The following MTMR4 variants were observed in gnomAD, a reference collection of about 807,000 sequenced individuals.
MTMR4 encodes the protein myotubularin related protein 4, also known as phosphatidylinositol-3,5-bisphosphate 3-phosphatase MTMR4.
Under a neutral mutation model 125.5 loss-of-function variants are expected in MTMR4, and 30 were observed. The observed-to-expected ratio is 0.24, with a 90% CI of 0.18 to 0.32. The LOEUF is 0.32. Ranked by LOEUF, MTMR4 falls within the 10% of genes least tolerant of loss-of-function variation. The pLI, the probability that MTMR4 is intolerant of heterozygous loss-of-function variation, is 1.00. For synonymous variants in MTMR4, 498 were observed against 564.5 expected (o/e 0.88, Z 1.67); for missense variants, 1,039 against 1,511.5 (o/e 0.69, Z 5.18).
chr17:58,507,837 T>C (rs1459108558), intron 7 of MTMR4: 2 of 227,932 alleles, frequency 8.8e-6, no homozygotes, highest in Middle Eastern at 1.6e-3. Flanking sequence ...TTTTATATAA[T>C]AGGCTATAAG....
rs1373842957 is a variant in MTMR4, at chr17:58,496,332, T to C, written c.1854-2A>G. ...TCCATGGATCTGGTTTTAGGTAATC[T>C]GGAAAGACAAATATAACACCTCCAG... is the stretch of plus-strand genomic sequence containing the variant. On this transcript the variant is annotated splice_acceptor_variant, in intron 14 of 17. Coordinates refer to ENST00000682306, the MANE Select transcript of MTMR4 (RefSeq NM_001378067.1). LOFTEE classifies it high-confidence loss of function. 1.3e-6 allele frequency: 2 copies of C among 1,596,662 alleles called. No individual in the cohort carries two copies. Among genetic ancestry groups the C allele is most frequent in the Admixed American group, 3.5e-5 (2 of 56,964 alleles).
chr17:58,509,830 C>T (rs1439248978), intron 4 of MTMR4, among the ~76,000 whole-genome samples: 1 of 152,144 alleles, frequency 6.6e-6, no homozygotes, highest in Non-Finnish European at 1.5e-5. Context: ...GTGAATGCTC[C>T]TTCTGAATGC....
At position 58,499,243 on chromosome 17, in the gene MTMR4, A is replaced by T. The variant is rs76822760; in HGVS notation, c.1854-2913T>A. 6.9e-3 allele frequency among the ~76,000 whole-genome samples: 655 copies of T among 94,462 alleles called. 1 individual carries two copies. Among genetic ancestry groups the T allele is most frequent in the Middle Eastern group, 0.018 (4 of 228 alleles). 62.0% of individuals were successfully genotyped at this position (94,462 alleles called of 152,430 possible). On this transcript the variant is annotated intron_variant, in intron 14 of 17. Coordinates refer to ENST00000682306, the MANE Select transcript of MTMR4 (RefSeq NM_001378067.1). ...CAGCCACAGAACTTCTTTTTTTTTT[A>T]AAAAAAAAAAAACTACCTCTCACCC...
In MTMR4 at chr17:58,504,111, G is replaced by A. The variant is rs984747194; in HGVS notation, c.1637C>T (p.Ala546Val). Residue 546 changes from alanine to valine, a missense_variant, in exon 13 of 18, where the codon GCG (alanine) becomes GTG (valine). Physicochemically the swap from Ala to Val is moderately conservative, Grantham distance 64 (BLOSUM62 0). Transcript: ENST00000682306. The surrounding 1 kb of genome is among the most constrained non-coding windows in gnomAD (Gnocchi z 7.1). ...NIYKRTCSVW[A>V]LLRAGNKNFH... ...GTTTTTATTGCCAGCTCGAAGGAGC[G>A]CCCACACAGAGCAGGTCCGCTTGTA... The A allele has an allele frequency of 1.2e-6, 2 of 1,602,540 alleles. No homozygotes were observed. Among genetic ancestry groups the A allele is most frequent in the Non-Finnish European group, 1.7e-6 (2 of 1,175,640 alleles).
intron 7 of MTMR4, among the ~76,000 whole-genome samples, chr17:58,507,711 C>A (rs1208853409): frequency 1.3e-5 from 2 of 152,186 alleles, no homozygotes; most frequent in East Asian, 1.9e-4. Flanking sequence ...CAGTAAAAAA[C>A]CAGACAACAA....
Position 58,507,145 on chromosome 17 carries a change from G to A in MTMR4, c.882C>T (p.Ser294=), listed in dbSNP as rs1168771230. 33 of 1,613,968 alleles carry A rather than the reference G, an allele frequency of 2.0e-5. No homozygotes were observed. Among genetic ancestry groups the A allele is most frequent in the Middle Eastern group, 1.6e-4 (1 of 6,082 alleles). ...GSLSTGNNDT[S]EACDADFDSS... is the part of the protein sequence containing the mutation. ...TACCAAAGTCAGCATCACACGCCTC[G>A]CTGGTATCATTATTCCCGGTGCTGA... The change falls in exon 8 of 18, where the codon AGC becomes AGT. Residue 294 remains serine (S), a synonymous_variant. Coordinates refer to ENST00000682306, the MANE Select transcript of MTMR4 (RefSeq NM_001378067.1).
chr17:58,492,848 CTCTT>C lies in MTMR4; in HGVS notation c.3353_3356del (p.Lys1118ArgfsTer4). On this transcript the variant is annotated frameshift_variant, in exon 16 of 18. Transcript: ENST00000682306. LOFTEE classifies it high-confidence loss of function. ...CATATGTGCCTAAACATACCTCAGT[CTCTT>C]TCTTATCAACAGGTTCCCAGCTTGC... The C allele has an allele frequency of 6.2e-7, 1 of 1,614,044 alleles. No homozygotes were observed. The highest frequency in any genetic ancestry group is 8.5e-7 in the Non-Finnish European group (1 of 1,179,894).
At position 58,495,230 on chromosome 17, in the gene MTMR4, T is replaced by A. The variant is rs755995348; in HGVS notation, c.2954A>T (p.His985Leu). ...GTTCTTTCCTCCTGGGCCAGTACAA[T>A]GTCCATTGGAATGACTAGAACAGAC... Reference protein sequence around the residue: ...SPVCSSHSNGHCTGPGGKNQM... With the variant: ...SPVCSSHSNGLCTGPGGKNQM... Residue 985 changes from histidine (H) to leucine (L), a missense_variant, in exon 15 of 18, where the codon CAT becomes CTT. Around this residue, in one of 6 missense-constraint regions of MTMR4, gnomAD observed 619 missense variants for 714.5 expected, o/e 0.87. Transcript: ENST00000682306. The A allele has an allele frequency of 1.2e-6, 2 of 1,614,200 alleles. No homozygotes were observed. Among genetic ancestry groups the A allele is most frequent in the Non-Finnish European group, 1.7e-6 (2 of 1,180,024 alleles).
At position 58,495,008 on chromosome 17, in the gene MTMR4, T is replaced by A. The variant is rs1286455011; in HGVS notation, c.3176A>T (p.Glu1059Val). 6.2e-7 allele frequency: 1 copy of A among 1,614,236 alleles called. No homozygotes were observed. Among genetic ancestry groups the A allele is most frequent in the Non-Finnish European group, 8.5e-7 (1 of 1,180,042 alleles). ...ACGGATGTCCAGCCTCATCTGAAGC[T>A]CACGCACCTGTCGACGTAGCTGCTC... ...EVEQLRRQVR[E>V]LQMRLDIRHC... The change falls in exon 15 of 18, where the codon GAG becomes GTG. Residue 1059 changes from glutamate (E) to valine (V), a missense_variant. By Grantham distance (121) the Glu-to-Val change is moderately radical. This residue lies in a region of MTMR4 where 619 missense variants were observed against 714.5 expected (regional missense o/e 0.87). Coordinates refer to ENST00000682306, the MANE Select transcript of MTMR4 (RefSeq NM_001378067.1).
chr17:58,500,310 A>G (rs1975586576), intron 14 of MTMR4, among the ~76,000 whole-genome samples: 1 of 152,120 alleles, frequency 6.6e-6, no homozygotes, highest in Non-Finnish European at 1.5e-5. Context: ...CATTTTTTGT[A>G]GAGGTGGGGT....
In MTMR4 at chr17:58,491,498, A is replaced by G; in HGVS notation, c.*165T>C. Reference sequence around the variant, plus strand: ...TCACCAGTAGAGGACCTCCTGCTAAATTGCAATTCCTCTGCTCCAGTTTCA... The same window carrying G: ...TCACCAGTAGAGGACCTCCTGCTAAGTTGCAATTCCTCTGCTCCAGTTTCA... On this transcript the variant is annotated 3_prime_UTR_variant, in exon 18 of 18. Transcript: ENST00000682306. 4.4e-6 allele frequency: 3 copies of G among 679,032 alleles called. No homozygotes were observed. The highest frequency in any genetic ancestry group is 7.1e-6 in the Non-Finnish European group (3 of 422,796). 42.1% of individuals were successfully genotyped at this position (679,032 alleles called of 1,614,324 possible). A position where few individuals can be genotyped will look rare whatever the true frequency, so the allele number is the denominator to read the frequency against.
intron 15 of MTMR4, among the ~76,000 whole-genome samples, chr17:58,494,277 C>T (rs1433543969): frequency 1.4e-5 from 2 of 144,778 alleles, no homozygotes; most frequent in Non-Finnish European, 3.0e-5. Flanking sequence ...GCTGAGATTG[C>T]ACGACTGCAC....
chr17:58,509,851 T>A (rs1343180616), intron 4 of MTMR4, among the ~76,000 whole-genome samples: 1 of 152,200 alleles, frequency 6.6e-6, no homozygotes, highest in Non-Finnish European at 1.5e-5. Flanking sequence ...CCCACAGACC[T>A]GAGCACATGG....
At chr17:58,510,778 T>C (rs1975906610) in intron 4 of MTMR4, 1 of 152,318 alleles carries the variant, frequency 6.6e-6, no homozygotes, top group Admixed American at 6.5e-5. Context: ...GGTCTCGCTA[T>C]GTTGCCCAGG....
chr17:58,504,554 G>A lies in MTMR4; in HGVS notation c.1342-66C>T. On this transcript the variant is annotated intron_variant, in intron 11 of 17. Coordinates refer to ENST00000682306, the MANE Select transcript of MTMR4 (RefSeq NM_001378067.1). This position sits in a 1 kb window ranked among gnomAD's most constrained non-coding sequence, Gnocchi z 7.1. ...AAATGCTGATGTGCTACTCCCCTGG[G>A]AACTGCCCAAAGCAGGAAGCTGGCA... The A allele has an allele frequency of 6.5e-6, 10 of 1,549,038 alleles. No individual in the cohort carries two copies. The highest frequency in any genetic ancestry group is 2.3e-4 in the Middle Eastern group (1 of 4,380).
intron 4 of MTMR4, 99 bp downstream of exon 4, chr17:58,511,330 G>A (rs1488505134): frequency 1.8e-6 from 2 of 1,084,848 alleles, no homozygotes; most frequent in Non-Finnish European, 2.7e-6. Context: ...GGGAAAGTGA[G>A]GCAGGATCTT....
At position 58,495,193 on chromosome 17, in the gene MTMR4, C is replaced by A; in HGVS notation, c.2991G>T (p.Leu997Phe). The stretch of plus-strand genomic sequence containing the variant: ...TAGAGACTTGCTTTGGATGACTGGA[C>A]AACCACATCTGGTTCTTTCCTCCTG... Reference protein sequence around the residue: ...TGPGGKNQMWLSSHPKQVSST... With the variant: ...TGPGGKNQMWFSSHPKQVSST... The change falls in exon 15 of 18, where the codon TTG becomes TTT. Residue 997 changes from leucine to phenylalanine, a missense_variant. Physicochemically the swap from Leu to Phe is conservative, Grantham distance 22. This residue lies in a region of MTMR4 where 619 missense variants were observed against 714.5 expected (regional missense o/e 0.87). Transcript: ENST00000682306. 1.2e-6 allele frequency: 2 copies of A among 1,614,222 alleles called. No homozygotes were observed. The highest frequency in any genetic ancestry group is 1.7e-6 in the Non-Finnish European group (2 of 1,180,052).
At chr17:58,515,670 G>A (rs1473793597), upstream of MTMR4, among the ~76,000 whole-genome samples, 2 of 152,158 alleles carry the variant, frequency 1.3e-5, no homozygotes, top group South Asian at 2.1e-4. Context: ...TCTTTTCAGG[G>A]TAGCCCAGAA....
chr17:58,507,918 TACACACACAC>T lies in MTMR4; in HGVS notation c.707+233_707+242del, dbSNP rs57157273. 1,619 of 341,304 alleles carry T rather than the reference TACACACACAC, an allele frequency of 4.7e-3. 5 individuals carry two copies. Among genetic ancestry groups the T allele is most frequent in the South Asian group, 8.0e-3 (255 of 31,716 alleles). The allele number at this position is 341,304 out of a possible 1,614,324, so 21.1% of individuals were successfully genotyped here. On this transcript the variant is annotated intron_variant, in intron 7 of 17. Coordinates refer to ENST00000682306, the MANE Select transcript of MTMR4 (RefSeq NM_001378067.1). ...GTGTATAAAATAATGTACTATTTTA[TACACACACAC>T]ACACACACACACACACACACACACA...
Sources: allele counts gnomAD v4.1 joint callset (sites outside exome capture counted in the v4.1 genomes callset), GRCh38; gene constraint gnomAD v4.1.1; regional missense constraint gnomAD v4.1.1; non-coding constraint Gnocchi (gnomAD v3.1); transcripts MANE v1.5; gene names NCBI Gene and HGNC (gene_info 2026-07-23, HGNC 2026-07-21).